ZNF207: variants seen among roughly 807,000 people sequenced by gnomAD.
ZNF207 encodes the protein BUB3-interacting and GLEBS motif-containing protein ZNF207.
A neutral mutation model predicts 60.2 loss-of-function variants in ZNF207; 24 were observed. The ratio of observed to expected loss-of-function variants is 0.40; its 90% CI spans 0.29 to 0.56. ZNF207 has a LOEUF of 0.56. Among genes scored for constraint, ZNF207 ranks in the 20% least tolerant of loss-of-function variants. The probability of loss-of-function intolerance (pLI) is 0.49; values close to 1 mark genes in which losing one functional copy is unlikely to be tolerated. For missense variants in ZNF207, 452 were observed against 636.6 expected (o/e 0.71, Z 3.12); for synonymous variants, 236 against 194.7 (o/e 1.21, Z -1.77).
intron 6 of ZNF207, among the ~76,000 whole-genome samples, chr17:32,362,331 A>G (rs1445774062): frequency 6.6e-6 from 1 of 151,888 alleles, no homozygotes; most frequent in African/African-American, 2.4e-5. Flanking sequence ...AATGTTTAAA[A>G]TTTTTGCTTT....
chr17:32,354,110 G>A (rs1000898338), intron 2 of ZNF207, among the ~76,000 whole-genome samples: 6 of 151,824 alleles, frequency 4.0e-5, no homozygotes, highest in African/African-American at 1.5e-4. Flanking sequence ...TGAGTACCTG[G>A]GACAACAATT....
At chr17:32,355,109 T>C (rs903199412) in intron 2 of ZNF207, among the ~76,000 whole-genome samples, 1 of 152,054 alleles carries the variant, frequency 6.6e-6, no homozygotes, top group African/African-American at 2.4e-5. Context: ...GATCTCAAGA[T>C]GGTCTGGCTA....
chr17:32,355,510 A>G (rs764052080), intron 2 of ZNF207, among the ~76,000 whole-genome samples: 4 of 152,234 alleles, frequency 2.6e-5, no homozygotes, highest in Non-Finnish European at 5.9e-5. Context: ...GGTCTATTAA[A>G]TATCCAGATG....
In ZNF207 at chr17:32,376,813, A is replaced by G. The variant is rs1011279142; in HGVS notation, c.*7054A>G. 17 of 152,096 alleles carry G rather than the reference A, an allele frequency of 1.1e-4. No individual in the cohort carries two copies. Among genetic ancestry groups the G allele is most frequent in the Admixed American group, 1.3e-4 (2 of 15,280 alleles). 9.4% of individuals were successfully genotyped at this position (152,096 alleles called of 1,614,324 possible). On this transcript the variant is annotated 3_prime_UTR_variant, in exon 12 of 12. Coordinates refer to ENST00000394670, the MANE Select transcript of ZNF207 (RefSeq NM_001098507.2). ...AGGTACATGTGAGTAAACTGTCTTA[A>G]TGGTTGATTACTTGGAACCCACCCA...
Position 32,360,961 on chromosome 17 carries a change from C to T in ZNF207, c.545C>T (p.Pro182Leu). The change falls in exon 5 of 12, where the codon CCA becomes CTA. Residue 182 changes from proline (P) to leucine (L), a missense_variant. Pro to Leu is a moderately conservative substitution (Grantham distance 98). Coordinates refer to ENST00000394670, the MANE Select transcript of ZNF207 (RefSeq NM_001098507.2). ...ATGCCACCAGTTATGCCAGGCATGC[C>T]ACCTGGGTAAGAAAATTCTTTTAAT... The part of the protein sequence containing the change: ...PGMPPVMPGM[P>L]PGLHHQRKYT... The T allele has an allele frequency of 6.2e-7, 1 of 1,613,038 alleles. No homozygotes were observed. The highest frequency in any genetic ancestry group is 1.1e-5 in the South Asian group (1 of 91,000).
intron 8 of ZNF207, among the ~76,000 whole-genome samples, chr17:32,365,890 G>C (rs764338684): frequency 6.6e-6 from 1 of 152,134 alleles, no homozygotes; most frequent in Non-Finnish European, 1.5e-5. Context: ...TCTGCCTCTA[G>C]TACGGAACAG....
chr17:32,361,578 G>A, intron 6 of ZNF207, 63 bp downstream of exon 6: 1 of 1,469,302 alleles, frequency 6.8e-7, no homozygotes, highest in Non-Finnish European at 9.3e-7. Flanking sequence ...TTTTATGTGT[G>A]TGTTTAATGG....
intron 2 of ZNF207, among the ~76,000 whole-genome samples, chr17:32,353,907 T>A (rs1354142714): frequency 6.6e-6 from 1 of 152,176 alleles, no homozygotes; most frequent in Non-Finnish European, 1.5e-5. Context: ...CATGTGGCTA[T>A]TTAAAATGAT....
intron 9 of ZNF207, among the ~76,000 whole-genome samples, chr17:32,367,239 T>TTTTATATA (rs1555608291): frequency 1.2e-4 from 4 of 32,190 alleles, no homozygotes; most frequent in Non-Finnish European, 2.8e-4. Flanking sequence ...TTGGAGGGGA[T>TTTTATATA]TATATATATA....
intron 3 of ZNF207, among the ~76,000 whole-genome samples, chr17:32,359,918 T>C (rs1215424928): frequency 1.3e-5 from 2 of 152,106 alleles, no homozygotes; most frequent in African/African-American, 2.4e-5. Context: ...ACTTGATAGA[T>C]AGATAAAATT....
Position 32,361,663 on chromosome 17 carries a change from TAAAG to T in ZNF207, c.599+151_599+154del, listed in dbSNP as rs1298851119. 13 of 606,970 alleles carry T rather than the reference TAAAG, an allele frequency of 2.1e-5. No homozygotes were observed. In the East Asian group the frequency reaches 2.5e-4, roughly 11 times the overall value. 37.6% of individuals were successfully genotyped at this position (606,970 alleles called of 1,614,324 possible). On this transcript the variant is annotated intron_variant, in intron 6 of 11. Transcript: ENST00000394670. ...TGCAAGCTAATTAACACAGGTCTCT[TAAAG>T]AAGGAAAATAAAACATCTTTTAGGA...
intron 8 of ZNF207, chr17:32,365,689 C>A: frequency 3.5e-6 from 1 of 288,156 alleles, no homozygotes; most frequent in Non-Finnish European, 5.9e-6. Context: ...TGAACGGAGC[C>A]AAAGTTAGTA....
intron 10 of ZNF207, 186 bp downstream of exon 10, chr17:32,368,200 GTT>G (rs1330541736): frequency 3.2e-5 from 28 of 863,394 alleles, no homozygotes; most frequent in South Asian, 2.5e-4. Flanking sequence ...GATATTGCAT[GTT>G]TTGGTCTTAG....
chr17:32,361,261 A>T (rs912294669), intron 5 of ZNF207: 2 of 573,184 alleles, frequency 3.5e-6, no homozygotes, highest in African/African-American at 3.8e-5. Context: ...ATTCAGAATT[A>T]TCTGTGACAC....
Position 32,360,924 on chromosome 17 carries a change from C to G in ZNF207, c.508C>G (p.Leu170Val). ...IPPLMPGVPP[L>V]MPGMPPVMPG... ...TCCATTAATGCCAGGTGTTCCTCCT[C>G]TGATGCCAGGAATGCCACCAGTTAT... is the stretch of plus-strand genomic sequence containing the variant. The change falls in exon 5 of 12, where the codon CTG (leucine) becomes GTG (valine). Residue 170 changes from leucine (L) to valine (V), a missense_variant. Physicochemically the swap from Leu to Val is conservative, Grantham distance 32. Transcript: ENST00000394670. 1 of 1,613,930 alleles carries G rather than the reference C, an allele frequency of 6.2e-7. No homozygotes were observed. Among genetic ancestry groups the G allele is most frequent in the Non-Finnish European group, 8.5e-7 (1 of 1,180,012 alleles).
chr17:32,357,335 TATTATTATTATTATTA>T lies in ZNF207; in HGVS notation c.169-1167_169-1152del, dbSNP rs1472710269. Among the ~76,000 whole-genome samples the T allele has an allele frequency of 8.6e-4, 80 of 92,852 alleles. 1 individual carries two copies. The highest frequency in any genetic ancestry group is 2.4e-3 in the African/African-American group (56 of 23,636). The allele number at this position is 92,852 out of a possible 152,430, so 60.9% of individuals were successfully genotyped here. On this transcript the variant is annotated intron_variant, in intron 2 of 11. Transcript: ENST00000394670. ...TAATTATTATTATTATTATTATTAT[TATTATTATTATTATTA>T]TTTTTTTTTTTTTTTGAGACAGAAT...
At chr17:32,361,829 T>C (rs1463577478) in intron 6 of ZNF207, among the ~76,000 whole-genome samples, 4 of 152,184 alleles carry the variant, frequency 2.6e-5, no homozygotes, top group South Asian at 2.1e-4. Flanking sequence ...TTTATTATTA[T>C]AGGATGTAAT....
chr17:32,355,835 G>C (rs541114186), intron 2 of ZNF207, among the ~76,000 whole-genome samples: 2 of 152,328 alleles, frequency 1.3e-5, no homozygotes, highest in East Asian at 3.9e-4. Flanking sequence ...GGTTCAGTAA[G>C]AGTACTGAGA....
At position 32,380,244 on chromosome 17, in the gene ZNF207, A is replaced by G. The variant is rs78553171; in HGVS notation, c.*10485A>G. On this transcript the variant is annotated 3_prime_UTR_variant, in exon 12 of 12. Transcript: ENST00000394670. ...TAATAGTGATGAGAGTAAGTAGCCA[A>G]ATTTCCGTAATATAAGGTAATGTTT... 4 of 152,664 alleles carry G rather than the reference A, an allele frequency of 2.6e-5. No individual in the cohort carries two copies. The allele number at this position is 152,664 out of a possible 1,614,324, so 9.5% of individuals were successfully genotyped here. A position where few individuals can be genotyped will look rare whatever the true frequency, so the allele number is the denominator to read the frequency against.
Sources: gnomAD v4.1 joint callset for allele counts (sites outside exome capture counted in the v4.1 genomes callset) on GRCh38, gnomAD v4.1.1 for gene constraint, MANE v1.5 for transcripts, NCBI Gene and HGNC (gene_info 2026-07-23, HGNC 2026-07-21) for gene names.